Variants in NINL observed in about 807,000 individuals in gnomAD.
NINL encodes ninein-like protein.
Under a neutral mutation model 160.3 loss-of-function variants are expected in NINL, and 153 were observed. That is an observed-to-expected ratio of 0.95 (90% confidence interval 0.84 to 1.09). The LOEUF (loss-of-function observed/expected upper bound fraction) is 1.09. Ranked by LOEUF, NINL falls within the 50% of genes least tolerant of loss-of-function variation. NINL has a pLI of 0.00. For missense variants in NINL, 1,829 were observed against 1,764.0 expected, an observed-to-expected ratio of 1.04 and a Z score of -0.66; for synonymous variants, 800 against 734.8, an observed-to-expected ratio of 1.09 and a Z score of -1.43.
Position 25,479,150 on chromosome 20 carries a change from C to T in NINL, c.1974G>A (p.Arg658=). Residue 658 remains arginine, a synonymous_variant, in exon 16 of 24, where the codon AGG becomes AGA. Coordinates refer to ENST00000278886, the MANE Select transcript of NINL (RefSeq NM_025176.6). ...AALKRNFEKE[R]KDMEQARRRE... ...GCCTGCGAGCCTGCTCCATGTCCTT[C>T]CTCTCCTTCTCAAAGTTCCTTTTCA... 1.2e-6 allele frequency: 2 copies of T among 1,612,658 alleles called. No homozygotes were observed. Among genetic ancestry groups the T allele is most frequent in the Non-Finnish European group, 1.7e-6 (2 of 1,179,570 alleles).
chr20:25,532,220 C>T (rs552846382), intron 1 of NINL, among the ~76,000 whole-genome samples: 35 of 152,366 alleles, frequency 2.3e-4, no homozygotes, highest in Non-Finnish European at 4.3e-4. Flanking sequence ...CCCTTCCATG[C>T]GTGGGGCTCT....
intron 13 of NINL, among the ~76,000 whole-genome samples, chr20:25,486,458 T>C (rs57579912): frequency 0.021 from 3,168 of 152,312 alleles, 114 homozygotes; most frequent in African/African-American, 0.07. Context: ...AGGTTATCTC[T>C]AGGTTCTGAG....
Position 25,476,926 on chromosome 20 carries a change from G to A in NINL, c.2365C>T (p.Pro789Ser), listed in dbSNP as rs1487116291. 2 of 1,612,276 alleles carry A rather than the reference G, an allele frequency of 1.2e-6. No individual in the cohort carries two copies. Among genetic ancestry groups the A allele is most frequent in the Non-Finnish European group, 8.5e-7 (1 of 1,179,916 alleles). ...TGGGCGCGCTTCTCGCTCGCACAGG[G>A]CTGCAGCTTCAGTGCCCTCTCCAGC... ...LELERALKLQ[P>S]CASEKRAQMC... is the part of the protein sequence containing the mutation. The change falls in exon 17 of 24, where the codon CCC (proline) becomes TCC (serine). Residue 789 changes from proline (P) to serine (S), a missense_variant. Transcript: ENST00000278886.
intron 1 of NINL, among the ~76,000 whole-genome samples, chr20:25,532,694 C>G (rs1250385768): frequency 6.6e-6 from 1 of 152,228 alleles, no homozygotes; most frequent in African/African-American, 2.4e-5. Context: ...TGCGGGCAAG[C>G]AGGTGAGTCA....
intron 4 of NINL, among the ~76,000 whole-genome samples, chr20:25,511,195 C>T (rs1400369928): frequency 2.6e-5 from 4 of 152,188 alleles, no homozygotes; most frequent in African/African-American, 9.6e-5. Flanking sequence ...ACACGCCTCT[C>T]TGCACCTTTC....
chr20:25,481,869 C>A, intron 14 of NINL, 99 bp downstream of exon 14: 3 of 1,495,076 alleles, frequency 2.0e-6, no homozygotes, highest in South Asian at 2.6e-5. Flanking sequence ...GTCACAGCAA[C>A]ATCATCATCT....
intron 1 of NINL, among the ~76,000 whole-genome samples, chr20:25,538,186 G>A (rs1471078651): frequency 6.6e-6 from 1 of 152,192 alleles, no homozygotes; most frequent in Admixed American, 6.5e-5. Context: ...GTGCACCTCA[G>A]GCACTGTCCT....
chr20:25,522,397 T>G (rs1443644824), intron 2 of NINL, among the ~76,000 whole-genome samples: 1 of 152,162 alleles, frequency 6.6e-6, no homozygotes, highest in Non-Finnish European at 1.5e-5. Flanking sequence ...GCAAAAAGAT[T>G]TCAACAAATG....
At chr20:25,481,220 C>T (rs532891553) in intron 14 of NINL, among the ~76,000 whole-genome samples, 8 of 152,222 alleles carry the variant, frequency 5.3e-5, no homozygotes, top group South Asian at 2.1e-4. Context: ...GTTGCCATGA[C>T]GGGGGAGCGA....
In NINL at chr20:25,476,329, T is replaced by C. The variant is rs1301752320; in HGVS notation, c.2962A>G (p.Arg988Gly). ...IQEERARSWS[R>G]GTQEQASEQQ... is the part of the protein sequence containing the mutation. Reference sequence around the variant, plus strand: ...TCCGAGGCCTGCTCCTGGGTGCCCCTGCTCCAGCTTCGTGCTCGCTCTTCC... The same window carrying C: ...TCCGAGGCCTGCTCCTGGGTGCCCCCGCTCCAGCTTCGTGCTCGCTCTTCC... Residue 988 changes from arginine (R) to glycine (G), a missense_variant, in exon 17 of 24, where the codon AGG becomes GGG. Physicochemically the swap from Arg to Gly is moderately radical, Grantham distance 125 (BLOSUM62 -2). Coordinates refer to ENST00000278886, the MANE Select transcript of NINL (RefSeq NM_025176.6). 6.2e-7 allele frequency: 1 copy of C among 1,612,854 alleles called. No homozygotes were observed. Among genetic ancestry groups the C allele is most frequent in the Non-Finnish European group, 8.5e-7 (1 of 1,179,930 alleles).
chr20:25,467,051 C>T (rs1184773060), intron 19 of NINL, among the ~76,000 whole-genome samples: 1 of 152,224 alleles, frequency 6.6e-6, no homozygotes, highest in East Asian at 1.9e-4. Flanking sequence ...GCACTCACAA[C>T]ACAGACAGTG....
chr20:25,514,537 A>C (rs1159074382), intron 3 of NINL, among the ~76,000 whole-genome samples: 1 of 152,222 alleles, frequency 6.6e-6, no homozygotes, highest in Non-Finnish European at 1.5e-5. Flanking sequence ...AAGGAACTCA[A>C]CTCAACTGCA....
intron 16 of NINL, among the ~76,000 whole-genome samples, chr20:25,477,453 G>A (rs1276976459): frequency 1.3e-5 from 2 of 152,220 alleles, no homozygotes; most frequent in African/African-American, 2.4e-5. Context: ...GACATACGAC[G>A]TGGCCCACAC....
At chr20:25,458,610 C>T in intron 21 of NINL, 81 bp from the exon 22 acceptor site, 1 of 1,399,986 alleles carries the variant, frequency 7.1e-7, no homozygotes, top group Non-Finnish European at 9.4e-7. Flanking sequence ...CAAGGACACC[C>T]CCACCTGCAA....
intron 21 of NINL, 135 bp from the exon 22 acceptor site, chr20:25,458,664 A>G (rs2090757456): frequency 1.1e-6 from 1 of 932,916 alleles, no homozygotes; most frequent in African/African-American, 1.7e-5. Flanking sequence ...CAGCACCTGA[A>G]TATTTAGAAG....
chr20:25,459,864 G>A (rs910197905), intron 21 of NINL, among the ~76,000 whole-genome samples: 1 of 152,164 alleles, frequency 6.6e-6, no homozygotes, highest in Non-Finnish European at 1.5e-5. Context: ...CACATCTACA[G>A]ACCTTGACAG....
intron 1 of NINL, 70 bp from the exon 2 acceptor site, chr20:25,526,668 C>T (rs923718799): frequency 3.7e-5 from 54 of 1,472,816 alleles, no homozygotes; most frequent in Non-Finnish European, 4.3e-5. Flanking sequence ...CCCACACTGC[C>T]GGTGAGCACC....
chr20:25,508,923 G>C (rs1285579342), intron 5 of NINL, among the ~76,000 whole-genome samples: 1 of 152,170 alleles, frequency 6.6e-6, no homozygotes. Context: ...ACACCCCCCT[G>C]TTCTAACTTT....
chr20:25,563,357 A>G (rs1475768317), intron 1 of NINL, among the ~76,000 whole-genome samples: 1 of 152,264 alleles, frequency 6.6e-6, no homozygotes, highest in African/African-American at 2.4e-5. Flanking sequence ...TTCTAAGTAA[A>G]CAAAGTTAAA....
Sources: gnomAD v4.1 joint callset for allele counts (sites outside exome capture counted in the v4.1 genomes callset) on GRCh38, gnomAD v4.1.1 for gene constraint, MANE v1.5 for transcripts, NCBI Gene and HGNC (gene_info 2026-07-23, HGNC 2026-07-21) for gene names.